Variants in IRAG2 observed in about 807,000 individuals in gnomAD.
IRAG2 encodes the protein inositol 1,4,5-triphosphate receptor associated 2.
Under a neutral mutation model 69.9 loss-of-function variants are expected in IRAG2, and 45 were observed. That is an observed-to-expected ratio of 0.64 (90% CI 0.51 to 0.83). The LOEUF (loss-of-function observed/expected upper bound fraction) is 0.83, where lower values mean the gene tolerates loss of function less well. Among genes scored for constraint, IRAG2 ranks in the 40% least tolerant of loss-of-function variants. The pLI is 0.00. For missense variants in IRAG2, 520 were observed against 587.0 expected (o/e 0.89, Z 1.18); for synonymous variants, 193 against 202.4 (o/e 0.95, Z 0.40).
At chr12:25,101,874 T>C (rs750980806) in intron 16 of IRAG2, 18 of 541,050 alleles carry the variant, frequency 3.3e-5, no homozygotes, top group Non-Finnish European at 5.6e-5. Flanking sequence ...ATCTGTTCCC[T>C]GTTCTAGAAC....
chr12:25,082,942 G>C (rs978526164), intron 9 of IRAG2, among the ~76,000 whole-genome samples: 1 of 152,132 alleles, frequency 6.6e-6, no homozygotes, highest in African/African-American at 2.4e-5. Flanking sequence ...AGTTAAAAAT[G>C]CATCTTTTCC....
At chr12:25,017,069 T>C (rs77732823) in intron 5 of IRAG2, 1 of 1,188,568 alleles carries the variant, frequency 8.4e-7, no homozygotes, top group East Asian at 3.2e-5. Context: ...TTTAACCGTA[T>C]ACCTTATTTT....
intron 14 of IRAG2, among the ~76,000 whole-genome samples, chr12:25,091,802 C>G (rs1948081885): frequency 1.3e-5 from 2 of 152,126 alleles, no homozygotes; most frequent in African/African-American, 4.8e-5. Flanking sequence ...GATAGCCACC[C>G]TAATGGATGT....
At chr12:25,043,196 G>A (rs1009907425) in intron 16 of IRAG2, among the ~76,000 whole-genome samples, 2 of 152,118 alleles carry the variant, frequency 1.3e-5, no homozygotes, top group African/African-American at 4.8e-5. Flanking sequence ...AGGCTGGTAG[G>A]AAAATCTGAG....
At chr12:25,031,812 G>A (rs1184062150) in intron 10 of IRAG2, among the ~76,000 whole-genome samples, 6 of 152,090 alleles carry the variant, frequency 3.9e-5, no homozygotes, top group Admixed American at 6.6e-5. Context: ...ACAGGCATGC[G>A]CCACCACACC....
intron 2 of IRAG2, among the ~76,000 whole-genome samples, chr12:25,006,561 T>C (rs1398675989): frequency 6.6e-6 from 1 of 152,216 alleles, no homozygotes; most frequent in Non-Finnish European, 1.5e-5. Context: ...AACAAGATCA[T>C]GTCCTTTGCT....
chr12:25,087,759 C>T (rs1256331978), intron 10 of IRAG2, among the ~76,000 whole-genome samples: 6 of 152,124 alleles, frequency 3.9e-5, no homozygotes, highest in African/African-American at 1.2e-4. Context: ...GGGAACATGA[C>T]CACCTGACCT....
At chr12:25,029,239 A>G (rs1300100296) in intron 9 of IRAG2, among the ~76,000 whole-genome samples, 1 of 152,208 alleles carries the variant, frequency 6.6e-6, no homozygotes, top group Non-Finnish European at 1.5e-5. Context: ...GCCTTCTTAG[A>G]CATTAAAATT....
chr12:25,086,515 T>C (rs1947616894), intron 10 of IRAG2, among the ~76,000 whole-genome samples: 1 of 152,200 alleles, frequency 6.6e-6, no homozygotes, highest in Non-Finnish European at 1.5e-5. Flanking sequence ...AGCTGACATA[T>C]ATTTGTGAAT....
At chr12:25,018,169 A>C (rs1057401777) in intron 6 of IRAG2, among the ~76,000 whole-genome samples, 1 of 142,158 alleles carries the variant, frequency 7.0e-6, no homozygotes, top group African/African-American at 2.6e-5. Flanking sequence ...GGAGTTTTTG[A>C]GTGGAAATGT....
In IRAG2 at chr12:25,017,318, C is replaced by T. The variant is rs541882782; in HGVS notation, c.1214+26C>T. ...GTGAGCCACAGTGGGGTCCAGTGTG[C>T]GGGGAACTTTCATTTCTTTTTTCTT... On this transcript the variant is annotated intron_variant, in intron 6 of 38. Coordinates refer to the IRAG2 transcript ENST00000636465. The T allele has an allele frequency of 1.6e-5, 20 of 1,231,160 alleles. No individual in the cohort carries two copies. In the Admixed American group the frequency reaches 2.5e-4, roughly 16 times the overall value. The allele number at this position is 1,231,160 out of a possible 1,614,324, so 76.3% of individuals were successfully genotyped here.
chr12:25,010,479 A>AC (rs944697783), intron 2 of IRAG2, among the ~76,000 whole-genome samples: 39 of 150,498 alleles, frequency 2.6e-4, no homozygotes, highest in African/African-American at 8.2e-4. Flanking sequence ...AAACAAACAA[A>AC]AAAAAAAAAC....
At chr12:25,106,282 TACACAC>T (rs1214809120) in intron 20 of IRAG2, among the ~76,000 whole-genome samples, 1 of 149,946 alleles carries the variant, frequency 6.7e-6, no homozygotes, top group Non-Finnish European at 1.5e-5. Context: ...TATATACACA[TACACAC>T]ACGCACACAC....
intron 6 of IRAG2, among the ~76,000 whole-genome samples, chr12:25,077,475 C>T (rs2140093262): frequency 6.8e-6 from 1 of 147,358 alleles, no homozygotes; most frequent in East Asian, 2.0e-4. Context: ...TAAAATAGGG[C>T]CATTATCACG....
At chr12:25,060,059 C>G (rs2139956090) in intron 1 of IRAG2, among the ~76,000 whole-genome samples, 1 of 152,236 alleles carries the variant, frequency 6.6e-6, no homozygotes, top group African/African-American at 2.4e-5. Flanking sequence ...AAAGTGGTAG[C>G]TATTAATATG....
intron 16 of IRAG2, among the ~76,000 whole-genome samples, chr12:25,042,872 TATTAATAAATAAGG>T (rs1184706379): frequency 6.6e-6 from 1 of 151,936 alleles, no homozygotes; most frequent in Non-Finnish European, 1.5e-5. Context: ...AAAGTGTGAG[TATTAATAAATAAGG>T]ATTTATGATG....
chr12:25,096,908 A>AT lies in IRAG2; in HGVS notation c.607-2_607-1insT. 1 of 1,606,128 alleles carries AT rather than the reference A, an allele frequency of 6.2e-7. No individual in the cohort carries two copies. The highest frequency in any genetic ancestry group is 8.5e-7 in the Non-Finnish European group (1 of 1,177,524). On this transcript the variant is annotated splice_acceptor_variant, in intron 14 of 21. Coordinates refer to ENST00000556887, the MANE Select transcript of IRAG2 (RefSeq NM_001366544.2). LOFTEE classifies it high-confidence loss of function. ...TCTTTTAATATGCTGTTTTCTATAC[A>AT]GTCTTTAACACCTCTGTGTGAAGAT... is the stretch of plus-strand genomic sequence containing the variant.
chr12:25,098,379 G>T (rs1434589227), intron 15 of IRAG2, among the ~76,000 whole-genome samples: 2 of 152,076 alleles, frequency 1.3e-5, no homozygotes, highest in Non-Finnish European at 1.5e-5. Flanking sequence ...TCAAACACAG[G>T]TAATGACTGC....
In IRAG2 at chr12:25,103,827, C is replaced by T. The variant is rs760226032; in HGVS notation, c.934-10C>T. The T allele has an allele frequency of 5.6e-6, 9 of 1,601,002 alleles. No homozygotes were observed. The East Asian group carries it at 2.0e-4, about 36-fold the overall frequency. On this transcript the variant is annotated splice_polypyrimidine_tract_variant and intron_variant, in intron 17 of 21. Transcript: ENST00000556887. ...AGTTTTCTAAATGTACATTTTCCTC[C>T]TTCTGGTAGCCATCTTCTCTACGAA... is the stretch of plus-strand genomic sequence containing the variant.
Sources: gnomAD v4.1 joint callset for allele counts (sites outside exome capture counted in the v4.1 genomes callset) on GRCh38, gnomAD v4.1.1 for gene constraint, MANE v1.5 for transcripts, NCBI Gene and HGNC (gene_info 2026-07-23, HGNC 2026-07-21) for gene names.